SLC30A7: variants seen among roughly 807,000 people sequenced by gnomAD.
SLC30A7 encodes zinc transporter 7.
SLC30A7 carries 35 observed loss-of-function variants against 46.0 expected under a neutral mutation model. The ratio of observed to expected loss-of-function variants is 0.76; its 90% CI spans 0.58 to 1.01. The LOEUF is 1.01. Ranked by LOEUF, SLC30A7 falls within the 50% of genes least tolerant of loss-of-function variation. The pLI is 0.00. For synonymous variants in SLC30A7, 147 were observed against 157.8 expected (o/e 0.93, Z 0.51); for missense variants, 464 against 451.1 (o/e 1.03, Z -0.26).
intron 8 of SLC30A7, among the ~76,000 whole-genome samples, chr1:100,942,974 T>TA (rs1188181281): frequency 2.0e-5 from 3 of 152,242 alleles, no homozygotes; most frequent in African/African-American, 7.2e-5. Flanking sequence ...AGTTCCCTGT[T>TA]ACGTGACTGA....
chr1:100,964,141 A>T (rs1655702056), intron 9 of SLC30A7, among the ~76,000 whole-genome samples: 1 of 151,848 alleles, frequency 6.6e-6, no homozygotes, highest in African/African-American at 2.4e-5. Context: ...TAATCTTTTG[A>T]TACAGGGAAA....
At chr1:100,950,710 C>T (rs532049794) in intron 8 of SLC30A7, among the ~76,000 whole-genome samples, 2 of 152,320 alleles carry the variant, frequency 1.3e-5, no homozygotes, top group Non-Finnish European at 2.9e-5. Context: ...GCAAAGTTCT[C>T]TGAAAGAGCC....
chr1:100,929,544 A>G (rs376442375), intron 8 of SLC30A7, among the ~76,000 whole-genome samples: 23 of 152,248 alleles, frequency 1.5e-4, no homozygotes, highest in African/African-American at 5.3e-4. Flanking sequence ...TTATATATTC[A>G]GTATTTGCAG....
intron 10 of SLC30A7, among the ~76,000 whole-genome samples, chr1:100,970,824 T>C (rs1388173445): frequency 6.6e-6 from 1 of 152,044 alleles, no homozygotes; most frequent in African/African-American, 2.4e-5. Context: ...AATATACCTT[T>C]TTTGTTAGAA....
At chr1:100,918,822 G>A (rs1652759762) in intron 7 of SLC30A7, among the ~76,000 whole-genome samples, 1 of 151,964 alleles carries the variant, frequency 6.6e-6, no homozygotes. Flanking sequence ...GGCTGACTGG[G>A]AGCTGCCGCC....
At chr1:100,934,453 C>G (rs1486215715) in intron 8 of SLC30A7, among the ~76,000 whole-genome samples, 1 of 152,086 alleles carries the variant, frequency 6.6e-6, no homozygotes, top group Non-Finnish European at 1.5e-5. Context: ...GAATATAGGA[C>G]TCTCATCTTT....
chr1:100,921,989 T>C, intron 8 of SLC30A7, 148 bp downstream of exon 8: 1 of 740,428 alleles, frequency 1.4e-6, no homozygotes, highest in Non-Finnish European at 2.1e-6. Context: ...AGTCTCGCTC[T>C]GTCACCCAGG....
intron 8 of SLC30A7, among the ~76,000 whole-genome samples, chr1:100,946,394 G>C (rs1654637883): frequency 6.6e-6 from 1 of 152,116 alleles, no homozygotes; most frequent in Admixed American, 6.5e-5. Context: ...TCCAGTTTTT[G>C]CCCATTTAGT....
At position 100,975,237 on chromosome 1, in the gene SLC30A7, G is replaced by C. The variant is rs1278613485; in HGVS notation, c.*380G>C. ...ATCCCAGCCAGTAAGAATTTCAGTT[G>C]TGGGCCTCCAGTCTTCTGGAATGTC... On this transcript the variant is annotated 3_prime_UTR_variant, in exon 11 of 11. Coordinates refer to ENST00000357650, the MANE Select transcript of SLC30A7 (RefSeq NM_133496.5). 6.1e-6 allele frequency: 1 copy of C among 162,730 alleles called. No individual in the cohort carries two copies. The highest frequency in any genetic ancestry group is 1.3e-5 in the Non-Finnish European group (1 of 74,946). The allele number at this position is 162,730 out of a possible 1,614,324, so 10.1% of individuals were successfully genotyped here. A position where few individuals can be genotyped will look rare whatever the true frequency, so the allele number is the denominator to read the frequency against.
rs1557980933 is a variant in SLC30A7 at position 100,915,157 on chromosome 1, T to TCTTTTCTTTTCTTCTTTCTTTCCCTC, written c.655+1352_655+1353insTTTTCTTTTCTTCTTTCTTTCCCTCC. Among the ~76,000 whole-genome samples, 116 of 142,036 alleles carry TCTTTTCTTTTCTTCTTTCTTTCCCTC rather than the reference T, an allele frequency of 8.2e-4. 5 individuals carry two copies. The highest frequency in any genetic ancestry group is 7.4e-3 in the Middle Eastern group (2 of 272). 93.2% of individuals were successfully genotyped at this position (142,036 alleles called of 152,430 possible). A position where few individuals can be genotyped will look rare whatever the true frequency, so the allele number is the denominator to read the frequency against. On this transcript the variant is annotated intron_variant, in intron 6 of 10. Transcript: ENST00000357650. ...TTCTTCTTTCTTTCCCTCCCTCCCT[T>TCTTTTCTTTTCTTCTTTCTTTCCCTC]CCTCACTTCTTTTCTTTTTTCTTTT...
intron 7 of SLC30A7, among the ~76,000 whole-genome samples, chr1:100,920,623 T>C (rs12569174): frequency 0.16 from 25,053 of 151,884 alleles, 2,125 homozygotes; most frequent in African/African-American, 0.18. Flanking sequence ...AGTATAATTT[T>C]CCAGAACACA....
At chr1:100,906,336 C>T (rs1392247661) in intron 2 of SLC30A7, among the ~76,000 whole-genome samples, 1 of 152,144 alleles carries the variant, frequency 6.6e-6, no homozygotes, top group Non-Finnish European at 1.5e-5. Flanking sequence ...TATCCCTAGT[C>T]AGGCAAGCCT....
At chr1:100,922,322 A>G (rs1214664293) in intron 8 of SLC30A7, among the ~76,000 whole-genome samples, 1 of 151,942 alleles carries the variant, frequency 6.6e-6, no homozygotes, top group Non-Finnish European at 1.5e-5. Flanking sequence ...TGTTACCTAG[A>G]GTTTGATGTT....
At chr1:100,913,610 C>A in intron 5 of SLC30A7, 53 bp from the exon 6 acceptor site, 2 of 1,357,234 alleles carry the variant, frequency 1.5e-6, no homozygotes, top group Non-Finnish European at 2.1e-6. Flanking sequence ...TAATTGTAAC[C>A]ATTTATATAA....
chr1:100,915,202 TTTC>T (rs1328886324), intron 6 of SLC30A7, among the ~76,000 whole-genome samples: 1 of 99,194 alleles, frequency 1.0e-5, no homozygotes, highest in Non-Finnish European at 2.2e-5. Flanking sequence ...CTTTTCTTTC[TTTC>T]TTTCTTTCTT....
At chr1:100,918,397 A>G (rs1371755611) in intron 7 of SLC30A7, among the ~76,000 whole-genome samples, 2 of 152,212 alleles carry the variant, frequency 1.3e-5, no homozygotes, top group African/African-American at 4.8e-5. Context: ...CCAGCTACTC[A>G]GGAGAATTGC....
intron 8 of SLC30A7, among the ~76,000 whole-genome samples, chr1:100,942,712 A>G (rs886566739): frequency 2.6e-5 from 4 of 152,242 alleles, no homozygotes; most frequent in Non-Finnish European, 2.9e-5. Flanking sequence ...AGCATTTTCT[A>G]TGCAAGGCTG....
At chr1:100,950,107 G>C (rs1001476865) in intron 8 of SLC30A7, among the ~76,000 whole-genome samples, 1 of 152,166 alleles carries the variant, frequency 6.6e-6, no homozygotes, top group Non-Finnish European at 1.5e-5. Flanking sequence ...ATCACGCTGG[G>C]AGCTGCAGTG....
At chr1:100,913,829 T>A in intron 6 of SLC30A7, 23 bp downstream of exon 6, 1 of 1,586,760 alleles carries the variant, frequency 6.3e-7, no homozygotes, top group Non-Finnish European at 8.6e-7. Flanking sequence ...TAGAGACAAA[T>A]GGACAGCCTC....
Sources: gnomAD v4.1 joint callset for allele counts (sites outside exome capture counted in the v4.1 genomes callset) on GRCh38, gnomAD v4.1.1 for gene constraint, MANE v1.5 for transcripts, NCBI Gene and HGNC (gene_info 2026-07-23, HGNC 2026-07-21) for gene names.